The following ACO2 variants were observed in gnomAD, a reference collection of about 807,000 sequenced individuals.
ACO2 encodes the protein aconitate hydratase, mitochondrial.
In ACO2, 31 loss-of-function variants were observed where a neutral mutation model predicts 84.5. The observed-to-expected ratio is 0.37, with a 90% CI of 0.28 to 0.50. The LOEUF (loss-of-function observed/expected upper bound fraction) is 0.50, where lower values mean the gene tolerates loss of function less well. Among genes scored for constraint, ACO2 ranks in the 20% least tolerant of loss-of-function variants. The pLI, the probability that ACO2 is intolerant of heterozygous loss-of-function variation, is 0.97. For synonymous variants in ACO2, 414 were observed against 412.7 expected, an observed-to-expected ratio of 1.00 and a Z score of -0.04; for missense variants, 685 against 1,029.3, an observed-to-expected ratio of 0.67 and a Z score of 4.58.
intron 1 of ACO2, among the ~76,000 whole-genome samples, chr22:41,480,573 C>T (rs2038074941): frequency 6.6e-6 from 1 of 152,192 alleles, no homozygotes; most frequent in Non-Finnish European, 1.5e-5. Flanking sequence ...GTTTTAGTAG[C>T]AGCATCTCAT....
At chr22:41,481,640 G>A (rs2038088831) in intron 1 of ACO2, among the ~76,000 whole-genome samples, 1 of 152,230 alleles carries the variant, frequency 6.6e-6, no homozygotes, top group Non-Finnish European at 1.5e-5. Flanking sequence ...TTCTGAGTGG[G>A]TGTACATGTG....
intron 1 of ACO2, among the ~76,000 whole-genome samples, chr22:41,489,229 A>G (rs1200735614): frequency 6.6e-6 from 1 of 152,114 alleles, no homozygotes; most frequent in Admixed American, 6.6e-5. Context: ...TCCTTTGTGG[A>G]GACAGGGTCT....
chr22:41,473,875 G>T (rs897559387), intron 1 of ACO2, among the ~76,000 whole-genome samples: 1 of 152,214 alleles, frequency 6.6e-6, no homozygotes, highest in African/African-American at 2.4e-5. Flanking sequence ...TAAGGCCAGT[G>T]TTGCTACAGT....
At chr22:41,499,128 C>G (rs2066336024) in intron 1 of ACO2, among the ~76,000 whole-genome samples, 2 of 151,936 alleles carry the variant, frequency 1.3e-5, no homozygotes, top group African/African-American at 4.8e-5. Flanking sequence ...TAGGCACCAC[C>G]TTTTGAAGGG....
chr22:41,524,336 A>G (rs933358397), intron 12 of ACO2, among the ~76,000 whole-genome samples: 2 of 152,196 alleles, frequency 1.3e-5, no homozygotes, highest in Non-Finnish European at 2.9e-5. Flanking sequence ...CACAAAAGCG[A>G]GGCCTTTGCC....
intron 1 of ACO2, among the ~76,000 whole-genome samples, chr22:41,492,303 T>TTAAAA (rs2066277206): frequency 6.6e-6 from 1 of 152,194 alleles, no homozygotes; most frequent in African/African-American, 2.4e-5. Flanking sequence ...TTAGTCCATT[T>TTAAAA]TGTGTTGCTA....
intron 1 of ACO2, among the ~76,000 whole-genome samples, chr22:41,476,062 G>T (rs1391067910): frequency 6.6e-6 from 1 of 152,084 alleles, no homozygotes; most frequent in Non-Finnish European, 1.5e-5. Flanking sequence ...GTTAAGAAGG[G>T]TTCTGAAGGC....
rs1283145006 is a variant in ACO2 at position 41,525,303 on chromosome 22, C to T, written c.1716C>T (p.Asp572=). The T allele has an allele frequency of 6.2e-7, 1 of 1,614,086 alleles. No homozygotes were observed. Residue 572 remains aspartate, a synonymous_variant, in exon 14 of 18, where the codon GAC becomes GAT. Coordinates refer to ENST00000216254, the MANE Select transcript of ACO2 (RefSeq NM_001098.3). Reference sequence around the variant, plus strand: ...GCCTGCAGCTCCTGGAGCCTTTTGACAAGTGGGATGGCAAGGACCTGGAGG... The same window carrying T: ...GCCTGCAGCTCCTGGAGCCTTTTGATAAGTGGGATGGCAAGGACCTGGAGG... The part of the protein sequence containing the change: ...SQRLQLLEPF[D]KWDGKDLEDL...
At chr22:41,469,645 C>T (rs77505591) in intron 1 of ACO2, 3,128 of 161,730 alleles carry the variant, frequency 0.019, 102 homozygotes, top group African/African-American at 0.071. Flanking sequence ...GGAGAAGAAA[C>T]TAGGACCCTG....
Position 41,527,380 on chromosome 22 carries a change from G to A in ACO2, c.2046G>A (p.Gly682=), listed in dbSNP as rs770017136. 1 of 1,613,716 alleles carries A rather than the reference G, an allele frequency of 6.2e-7. No individual in the cohort carries two copies. The highest frequency in any genetic ancestry group is 8.5e-7 in the Non-Finnish European group (1 of 1,179,962). Residue 682 remains glycine, a synonymous_variant, in exon 16 of 18, where the codon GGG becomes GGA. Coordinates refer to ENST00000216254, the MANE Select transcript of ACO2 (RefSeq NM_001098.3). ...CAGCTCTGGAGCCTCGCCACCTTGG[G>A]GGCCGGGCCATCATCACCAAGAGCT... ...EHAALEPRHL[G]GRAIITKSFA...
At chr22:41,500,585 A>G (rs970588583) in intron 2 of ACO2, among the ~76,000 whole-genome samples, 1 of 151,866 alleles carries the variant, frequency 6.6e-6, no homozygotes, top group Non-Finnish European at 1.5e-5. Context: ...GGGTTTTGCC[A>G]TGTTGCCCAG....
At chr22:41,520,306 A>G in intron 9 of ACO2, 30 bp downstream of exon 9, 1 of 1,580,426 alleles carries the variant, frequency 6.3e-7, no homozygotes, top group South Asian at 1.1e-5. Context: ...TCTGTTTAGC[A>G]GGTCTCAGGG....
chr22:41,483,774 G>C (rs371857602), intron 1 of ACO2, among the ~76,000 whole-genome samples: 5 of 152,194 alleles, frequency 3.3e-5, no homozygotes, highest in Non-Finnish European at 5.9e-5. Flanking sequence ...TTAGGAGGCT[G>C]CAGTGGGAGG....
At chr22:41,469,646 T>C (rs1270978593) in intron 1 of ACO2, 1 of 160,856 alleles carries the variant, frequency 6.2e-6, no homozygotes, top group East Asian at 1.8e-4. Context: ...GAGAAGAAAC[T>C]AGGACCCTGT....
intron 2 of ACO2, among the ~76,000 whole-genome samples, chr22:41,503,352 A>T (rs1410892081): frequency 6.6e-6 from 1 of 151,028 alleles, no homozygotes; most frequent in Admixed American, 6.6e-5. Flanking sequence ...TTTGAAACGG[A>T]GTCTCGCTCT....
intron 1 of ACO2, among the ~76,000 whole-genome samples, chr22:41,480,879 G>A (rs1016117983): frequency 5.3e-5 from 8 of 152,028 alleles, no homozygotes; most frequent in South Asian, 2.1e-4. Context: ...ACAGTGGCTC[G>A]ATCTTGGCTC....
chr22:41,507,089 G>A (rs2066399089), intron 2 of ACO2, among the ~76,000 whole-genome samples: 1 of 152,020 alleles, frequency 6.6e-6, no homozygotes, highest in African/African-American at 2.4e-5. Context: ...GGAGGGGTGG[G>A]GCCTCCGGGG....
At chr22:41,506,222 G>C (rs1433463401) in intron 2 of ACO2, among the ~76,000 whole-genome samples, 1 of 151,880 alleles carries the variant, frequency 6.6e-6, no homozygotes, top group East Asian at 1.9e-4. Flanking sequence ...TGCGTAGTTG[G>C]GACTACAGGC....
At chr22:41,475,989 C>T (rs1394792136) in intron 1 of ACO2, among the ~76,000 whole-genome samples, 1 of 151,864 alleles carries the variant, frequency 6.6e-6, no homozygotes, top group East Asian at 1.9e-4. Flanking sequence ...AAAGTCTCAA[C>T]TCTCTGTGGT....
Sources: gnomAD v4.1 joint callset for allele counts (sites outside exome capture counted in the v4.1 genomes callset) on GRCh38, gnomAD v4.1.1 for gene constraint, MANE v1.5 for transcripts, NCBI Gene and HGNC (gene_info 2026-07-23, HGNC 2026-07-21) for gene names.